NCKAP1: variants seen among roughly 807,000 people sequenced by gnomAD.
NCKAP1 encodes NCK associated protein 1.
A neutral mutation model predicts 151.2 loss-of-function variants in NCKAP1; 21 were observed. The ratio of observed to expected loss-of-function variants is 0.14; its 90% CI spans 0.10 to 0.20. The LOEUF is 0.20. Ranked by LOEUF, NCKAP1 falls within the 10% of genes least tolerant of loss-of-function variation. The pLI is 1.00. For synonymous variants in NCKAP1, 484 were observed against 451.8 expected, an observed-to-expected ratio of 1.07 and a Z score of -0.90; for missense variants, 933 against 1,352.1, an observed-to-expected ratio of 0.69 and a Z score of 4.86.
At chr2:182,933,783 G>A (rs960222420) in intron 26 of NCKAP1, among the ~76,000 whole-genome samples, 2 of 151,796 alleles carry the variant, frequency 1.3e-5, no homozygotes, top group African/African-American at 4.8e-5. Flanking sequence ...TTTTTCAGTC[G>A]GTGTTTTTCA....
rs1227474983 is a variant in NCKAP1 at position 182,925,591 on chromosome 2, A to T, written c.*111T>A. ...ATCAGAAAATACAACCGTATGAAAG[A>T]AATTTATAATCCACAAAACTTTTTC... On this transcript the variant is annotated 3_prime_UTR_variant, in exon 31 of 31. Coordinates refer to ENST00000361354, the MANE Select transcript of NCKAP1 (RefSeq NM_013436.5). The T allele has an allele frequency of 1.1e-5, 6 of 529,404 alleles. No homozygotes were observed. Among genetic ancestry groups the T allele is most frequent in the African/African-American group, 9.8e-5 (5 of 51,172 alleles). The allele number at this position is 529,404 out of a possible 1,614,324, so 32.8% of individuals were successfully genotyped here. A position where few individuals can be genotyped will look rare whatever the true frequency, so the allele number is the denominator to read the frequency against.
At chr2:182,998,474 A>T (rs1338513248) in intron 6 of NCKAP1, among the ~76,000 whole-genome samples, 1 of 152,144 alleles carries the variant, frequency 6.6e-6, no homozygotes, top group African/African-American at 2.4e-5. Context: ...AGGATACAAA[A>T]ATCAACATAC....
At position 182,921,761 on chromosome 2, in the gene NCKAP1, C is replaced by T. The variant is rs555882516; in HGVS notation, c.*3941G>A. 1.3e-5 allele frequency: 2 copies of T among 152,274 alleles called. No homozygotes were observed. Among genetic ancestry groups the T allele is most frequent in the Admixed American group, 6.5e-5 (1 of 15,292 alleles). 9.4% of individuals were successfully genotyped at this position (152,274 alleles called of 1,614,324 possible). A position where few individuals can be genotyped will look rare whatever the true frequency, so the allele number is the denominator to read the frequency against. Reference sequence around the variant, plus strand: ...CAGAGTTAGACATGTTTACTCTGGACAGTCAAGGACAGCGATGTGTAGGGA... The same window carrying T: ...CAGAGTTAGACATGTTTACTCTGGATAGTCAAGGACAGCGATGTGTAGGGA... On this transcript the variant is annotated 3_prime_UTR_variant, in exon 31 of 31. Transcript: ENST00000361354.
At chr2:183,035,387 G>C (rs1699083235) in intron 1 of NCKAP1, among the ~76,000 whole-genome samples, 1 of 151,712 alleles carries the variant, frequency 6.6e-6, no homozygotes, top group Non-Finnish European at 1.5e-5. Context: ...ATTTTTCATT[G>C]TATATGTTCA....
In NCKAP1 at chr2:182,967,300, A is replaced by G; in HGVS notation, c.1544T>C (p.Met515Thr). 1 of 1,612,158 alleles carries G rather than the reference A, an allele frequency of 6.2e-7. No homozygotes were observed. The highest frequency in any genetic ancestry group is 2.2e-5 in the East Asian group (1 of 44,772). The change falls in exon 16 of 31, where the codon ATG becomes ACG. Residue 515 changes from methionine to threonine, a missense_variant. Physicochemically the swap from Met to Thr is moderately conservative, Grantham distance 81. Around this residue, in one of 2 missense-constraint regions of NCKAP1, gnomAD observed 607 missense variants for 795.0 expected, o/e 0.76. Transcript: ENST00000361354. ...GLADHRELGK[M>T]MNTIIFHTKM... is the part of the protein sequence containing the mutation. ...TGTATGAAAAATTATTGTATTCATC[A>G]TCTTTCCAAGTTCTCTGTGATCTGC...
chr2:183,024,847 C>T, intron 1 of NCKAP1: 1 of 965,068 alleles, frequency 1.0e-6, no homozygotes. Flanking sequence ...AGGAAATACA[C>T]TACTGCAATT....
intron 6 of NCKAP1, among the ~76,000 whole-genome samples, chr2:182,998,692 T>C (rs995589064): frequency 2.0e-5 from 3 of 151,774 alleles, no homozygotes; most frequent in African/African-American, 7.3e-5. Flanking sequence ...TAGCTGGGCG[T>C]GGTGACAGGC....
Position 182,916,187 on chromosome 2 carries a change from A to C in NCKAP1, c.*9515T>G, listed in dbSNP as rs1033601919. ...CTTCTGTCAAAAAAAAAAAAAAAAA[A>C]AAAACATGTCTCTGTGTCATCACTG... On this transcript the variant is annotated 3_prime_UTR_variant, in exon 31 of 31. Coordinates refer to ENST00000361354, the MANE Select transcript of NCKAP1 (RefSeq NM_013436.5). 5 of 151,368 alleles carry C rather than the reference A, an allele frequency of 3.3e-5. No homozygotes were observed. Among genetic ancestry groups the C allele is most frequent in the Admixed American group, 6.6e-5 (1 of 15,140 alleles). 9.4% of individuals were successfully genotyped at this position (151,368 alleles called of 1,614,324 possible). A position where few individuals can be genotyped will look rare whatever the true frequency, so the allele number is the denominator to read the frequency against.
chr2:182,993,723 G>C (rs1208681122), intron 8 of NCKAP1, among the ~76,000 whole-genome samples: 1 of 148,910 alleles, frequency 6.7e-6, no homozygotes, highest in East Asian at 1.9e-4. Context: ...GGGCCTACTT[G>C]AAGGTTGGGA....
chr2:183,017,751 T>A (rs373145479), intron 2 of NCKAP1, among the ~76,000 whole-genome samples: 1 of 152,048 alleles, frequency 6.6e-6, no homozygotes, highest in Admixed American at 6.6e-5. Context: ...ATATACACTA[T>A]GGGGGGAGAA....
chr2:182,978,766 T>A, intron 14 of NCKAP1, 68 bp downstream of exon 14: 2 of 891,780 alleles, frequency 2.2e-6, no homozygotes, highest in South Asian at 4.9e-5. Context: ...TGGTAAATTA[T>A]CTCCTTAATA....
At chr2:183,003,424 G>A in intron 2 of NCKAP1, 99 bp from the exon 3 acceptor site, 1 of 731,954 alleles carries the variant, frequency 1.4e-6, no homozygotes, top group Non-Finnish European at 2.3e-6. Flanking sequence ...GGAAGCACAA[G>A]CTTTTAGAAT....
chr2:182,918,538 T>G lies in NCKAP1; in HGVS notation c.*7164A>C, dbSNP rs182235220. ...AGAAACAATGTCTTTTTGCAGCAAC[T>G]ATGATGGAGCCAGAGGCCATTATTC... On this transcript the variant is annotated 3_prime_UTR_variant, in exon 31 of 31. Coordinates refer to ENST00000361354, the MANE Select transcript of NCKAP1 (RefSeq NM_013436.5). 2 of 152,286 alleles carry G rather than the reference T, an allele frequency of 1.3e-5. No homozygotes were observed. Among genetic ancestry groups the G allele is most frequent in the Admixed American group, 1.3e-4 (2 of 15,304 alleles). 9.4% of individuals were successfully genotyped at this position (152,286 alleles called of 1,614,324 possible).
chr2:183,031,032 C>T (rs1369064514), intron 1 of NCKAP1, among the ~76,000 whole-genome samples: 1 of 152,104 alleles, frequency 6.6e-6, no homozygotes, highest in East Asian at 1.9e-4. Context: ...GGCTTGATAA[C>T]AAAGTATACT....
intron 16 of NCKAP1, among the ~76,000 whole-genome samples, chr2:182,966,619 T>C (rs1168400483): frequency 6.6e-6 from 1 of 152,134 alleles, no homozygotes; most frequent in African/African-American, 2.4e-5. Flanking sequence ...CACAACTAAG[T>C]TGACTTATTC....
intron 2 of NCKAP1, among the ~76,000 whole-genome samples, chr2:183,020,790 C>A (rs1052896361): frequency 3.3e-5 from 5 of 152,150 alleles, no homozygotes; most frequent in Admixed American, 6.5e-5. Context: ...TCTTTAAGCT[C>A]CATCAACTAA....
In NCKAP1 at chr2:182,956,553, A is replaced by G; in HGVS notation, c.2062T>C (p.Ser688Pro). The G allele has an allele frequency of 6.2e-7, 1 of 1,610,656 alleles. No individual in the cohort carries two copies. Among genetic ancestry groups the G allele is most frequent in the Non-Finnish European group, 8.5e-7 (1 of 1,178,410 alleles). ...LHTALSELCF[S>P]INYVPNMVVW... ...ACCATGTTTGGTACATAATTTATAG[A>G]GAAGCATAACTCAGAAAGTGCAGTG... is the stretch of plus-strand genomic sequence containing the variant. The change falls in exon 20 of 31, where the codon TCT (serine) becomes CCT (proline). Residue 688 changes from serine (S) to proline (P), a missense_variant. Physicochemically the swap from Ser to Pro is moderately conservative, Grantham distance 74. Coordinates refer to ENST00000361354, the MANE Select transcript of NCKAP1 (RefSeq NM_013436.5).
intron 6 of NCKAP1, among the ~76,000 whole-genome samples, chr2:183,000,817 G>A (rs1698361015): frequency 6.6e-6 from 1 of 152,166 alleles, no homozygotes; most frequent in African/African-American, 2.4e-5. Flanking sequence ...CAGTGGCCAG[G>A]CACAGTGGCT....
intron 9 of NCKAP1, among the ~76,000 whole-genome samples, chr2:182,987,883 G>A (rs532959365): frequency 6.6e-6 from 1 of 151,806 alleles, no homozygotes; most frequent in African/African-American, 2.4e-5. Flanking sequence ...GAAAGGAGTG[G>A]GGGGGGAGTG....
Sources: allele counts gnomAD v4.1 joint callset (sites outside exome capture counted in the v4.1 genomes callset), GRCh38; gene constraint gnomAD v4.1.1; regional missense constraint gnomAD v4.1.1; transcripts MANE v1.5; gene names NCBI Gene and HGNC (gene_info 2026-07-23, HGNC 2026-07-21).